MYO5B: variants seen among roughly 807,000 people sequenced by gnomAD.
The protein encoded by MYO5B is myosin VB, also known as unconventional myosin-Vb.
In MYO5B, 143 loss-of-function variants were observed where a neutral mutation model predicts 229.3. That is an observed-to-expected ratio of 0.62 (90% CI 0.54 to 0.72). The LOEUF (loss-of-function observed/expected upper bound fraction) is 0.72, where lower values mean the gene tolerates loss of function less well. MYO5B is among the 30% of genes least tolerant of loss of function. The pLI, the probability that MYO5B is intolerant of heterozygous loss-of-function variation, is 0.00. For missense variants in MYO5B, 2,321 were observed against 2,331.0 expected (o/e 1.00, Z 0.09); for synonymous variants, 918 against 885.2 (o/e 1.04, Z -0.66).
chr18:50,009,043 G>T (rs1014697338), intron 4 of MYO5B, among the ~76,000 whole-genome samples: 3 of 152,210 alleles, frequency 2.0e-5, no homozygotes, highest in Non-Finnish European at 4.4e-5. Context: ...GAAAAATACA[G>T]TGACAATGAA....
intron 4 of MYO5B, among the ~76,000 whole-genome samples, chr18:50,009,770 G>A (rs2026142726): frequency 6.6e-6 from 1 of 152,204 alleles, no homozygotes; most frequent in Admixed American, 6.5e-5. Context: ...GCAAGAAGGG[G>A]CTGGGCCGGA....
rs2026439990 is a variant in MYO5B, at chr18:50,035,601, A to C, written c.455+1249T>G. Among the ~76,000 whole-genome samples, 3 of 152,158 alleles carry C rather than the reference A, an allele frequency of 2.0e-5. No individual in the cohort carries two copies. The South Asian group carries it at 6.2e-4, about 32-fold the overall frequency. ...CTAATGCTCATTCTTCTCTCCACAC[A>C]ATCTTCTGAACCACACACCATTGGG... is the stretch of plus-strand genomic sequence containing the variant. On this transcript the variant is annotated intron_variant, in intron 4 of 39. Coordinates refer to ENST00000285039, the MANE Select transcript of MYO5B (RefSeq NM_001080467.3).
At chr18:49,933,358 TG>T (rs2025215441) in intron 16 of MYO5B, among the ~76,000 whole-genome samples, 1 of 152,252 alleles carries the variant, frequency 6.6e-6, no homozygotes, top group Non-Finnish European at 1.5e-5. Flanking sequence ...GCCACTTCTG[TG>T]GCATTGCCAG....
intron 17 of MYO5B, among the ~76,000 whole-genome samples, chr18:49,914,029 C>T (rs917875055): frequency 6.6e-6 from 1 of 152,114 alleles, no homozygotes; most frequent in Admixed American, 6.5e-5. Context: ...CAATAACCAC[C>T]CCCCAGCAAC....
chr18:49,850,014 G>A, intron 31 of MYO5B: 1 of 370,342 alleles, frequency 2.7e-6, no homozygotes, highest in Non-Finnish European at 5.2e-6. Flanking sequence ...GGTGGGGCGG[G>A]CAGCGCCCTG....
chr18:50,167,933 C>T (rs1044981189), intron 1 of MYO5B, among the ~76,000 whole-genome samples: 1 of 152,184 alleles, frequency 6.6e-6, no homozygotes, highest in African/African-American at 2.4e-5. Context: ...GCCACTGCTG[C>T]CCTGGGGGCT....
At chr18:49,837,842 C>G (rs750276531) in intron 36 of MYO5B, 40 bp from the exon 37 acceptor site, 1 of 1,608,850 alleles carries the variant, frequency 6.2e-7, no homozygotes, top group Non-Finnish European at 8.5e-7. Context: ...GCATTCCCCA[C>G]TAACAATGCA....
intron 10 of MYO5B, among the ~76,000 whole-genome samples, chr18:49,973,808 A>G (rs1397877891): frequency 6.6e-6 from 1 of 152,242 alleles, no homozygotes; most frequent in Non-Finnish European, 1.5e-5. Context: ...TATAAATAAC[A>G]GTCCTTTCAA....
chr18:50,112,547 C>T (rs2031885090), intron 1 of MYO5B, among the ~76,000 whole-genome samples: 2 of 152,192 alleles, frequency 1.3e-5, no homozygotes. Flanking sequence ...CCCTATCTGC[C>T]TTTGAGCATG....
intron 1 of MYO5B, among the ~76,000 whole-genome samples, chr18:50,111,812 G>T (rs538629769): frequency 6.6e-6 from 1 of 152,282 alleles, no homozygotes; most frequent in South Asian, 2.1e-4. Context: ...TCATTTCTTT[G>T]AACTTCTGAA....
At chr18:50,055,127 C>G in intron 2 of MYO5B, 141 bp downstream of exon 2, 1 of 666,312 alleles carries the variant, frequency 1.5e-6, no homozygotes, top group South Asian at 1.8e-5. Context: ...TCAATAGCAA[C>G]AAGAAAGAAT....
chr18:49,862,074 T>C (rs2024337433), intron 29 of MYO5B, among the ~76,000 whole-genome samples: 1 of 150,672 alleles, frequency 6.6e-6, no homozygotes, highest in African/African-American at 2.4e-5. Context: ...CTCGGCTCAT[T>C]GCAACCTCCG....
chr18:49,891,620 C>T (rs996945791), intron 22 of MYO5B, among the ~76,000 whole-genome samples: 3 of 152,190 alleles, frequency 2.0e-5, no homozygotes, highest in Admixed American at 6.5e-5. Flanking sequence ...TAATAATCCT[C>T]AGCCTCCACA....
intron 5 of MYO5B, among the ~76,000 whole-genome samples, chr18:49,998,852 T>C (rs550074231): frequency 2.2e-4 from 33 of 152,240 alleles, no homozygotes; most frequent in South Asian, 6.2e-4. Flanking sequence ...GAAGGGAGAA[T>C]GGAGAGTTAC....
At chr18:50,012,750 G>T (rs981032969) in intron 4 of MYO5B, among the ~76,000 whole-genome samples, 1 of 152,196 alleles carries the variant, frequency 6.6e-6, no homozygotes, top group African/African-American at 2.4e-5. Context: ...CTTCTCCTGG[G>T]TGACATTGAC....
At chr18:49,854,219 C>T (rs749153345) in intron 30 of MYO5B, among the ~76,000 whole-genome samples, 1 of 152,176 alleles carries the variant, frequency 6.6e-6, no homozygotes. Flanking sequence ...ACAATTTTTA[C>T]ATACAAGTTT....
At chr18:50,075,603 T>A (rs113650962) in intron 1 of MYO5B, among the ~76,000 whole-genome samples, 5,766 of 152,212 alleles carry the variant, frequency 0.038, 358 homozygotes, top group African/African-American at 0.13. Flanking sequence ...GATCCTAGTG[T>A]GAGGTCCTAC....
intron 2 of MYO5B, among the ~76,000 whole-genome samples, chr18:50,047,867 C>G (rs1314942609): frequency 7.1e-6 from 1 of 140,290 alleles, no homozygotes; most frequent in African/African-American, 2.7e-5. Flanking sequence ...CATGTTCTCA[C>G]TGATAGGTAG....
chr18:49,893,173 G>A (rs1296941452), intron 22 of MYO5B, among the ~76,000 whole-genome samples: 1 of 152,178 alleles, frequency 6.6e-6, no homozygotes, highest in Non-Finnish European at 1.5e-5. Context: ...GGGCTGGGAA[G>A]CTGATGAGTC....
Sources: allele counts gnomAD v4.1 joint callset (sites outside exome capture counted in the v4.1 genomes callset), GRCh38; gene constraint gnomAD v4.1.1; transcripts MANE v1.5; gene names NCBI Gene and HGNC (gene_info 2026-07-23, HGNC 2026-07-21).